The following HOMER2 variants were observed in gnomAD, a reference collection of about 807,000 sequenced individuals.
HOMER2 encodes homer protein homolog 2.
Under a neutral mutation model 47.0 loss-of-function variants are expected in HOMER2, and 27 were observed. The ratio of observed to expected loss-of-function variants is 0.57; its 90% CI spans 0.42 to 0.79. The LOEUF (loss-of-function observed/expected upper bound fraction) is 0.79, where lower values mean the gene tolerates loss of function less well. Ranked by LOEUF, HOMER2 falls within the 30% of genes least tolerant of loss-of-function variation. HOMER2 has a pLI of 0.00. For missense variants in HOMER2, 443 were observed against 435.0 expected, an observed-to-expected ratio of 1.02 and a Z score of -0.16; for synonymous variants, 161 against 163.8, an observed-to-expected ratio of 0.98 and a Z score of 0.13.
In HOMER2 at chr15:82,849,826, TC is replaced by T; in HGVS notation, c.920del (p.Arg307HisfsTer5). On this transcript the variant is annotated frameshift_variant, in exon 9 of 9. Transcript: ENST00000450735. LOFTEE classifies it high-confidence loss of function. ...LKTDIEESKYRQRHLKVELKS... is the reference protein window; with the variant it reads ...LKTDIEESKYXQRHLKVELKS... The stretch of plus-strand genomic sequence containing the variant: ...TCAACTCCACCTTCAGGTGGCGCTG[TC>T]GGTATTTGCTCTCCTCAATGTCTGT... 6.2e-7 allele frequency: 1 copy of T among 1,613,962 alleles called. No homozygotes were observed. Among genetic ancestry groups the T allele is most frequent in the South Asian group, 1.1e-5 (1 of 91,076 alleles).
chr15:82,903,584 A>T (rs149716445), intron 1 of HOMER2, among the ~76,000 whole-genome samples: 2 of 152,028 alleles, frequency 1.3e-5, no homozygotes, highest in African/African-American at 4.8e-5. Flanking sequence ...GCGCCATTGC[A>T]CTCCAGCCTG....
intron 2 of HOMER2, among the ~76,000 whole-genome samples, chr15:82,877,354 G>C (rs189717525): frequency 6.6e-6 from 1 of 152,128 alleles, no homozygotes; most frequent in Non-Finnish European, 1.5e-5. Context: ...ATTTTTAGTA[G>C]AGAAGGGGCT....
intron 3 of HOMER2, among the ~76,000 whole-genome samples, chr15:82,869,776 C>T (rs1465738503): frequency 1.3e-5 from 2 of 152,096 alleles, no homozygotes; most frequent in East Asian, 1.9e-4. Flanking sequence ...ACATCTTGAT[C>T]GCTACATATT....
At chr15:82,950,941 G>A (rs1288193118) in intron 1 of HOMER2, among the ~76,000 whole-genome samples, 3 of 152,272 alleles carry the variant, frequency 2.0e-5, no homozygotes, top group East Asian at 1.9e-4. Context: ...TGTTGGCCAG[G>A]GGGAGGGAGG....
chr15:82,945,141 C>T (rs1439360527), intron 1 of HOMER2, among the ~76,000 whole-genome samples: 1 of 151,080 alleles, frequency 6.6e-6, no homozygotes, highest in Non-Finnish European at 1.5e-5. Flanking sequence ...TAATTGTGAT[C>T]TTGGTCTCCT....
exon 2 of HOMER2, chr15:82,841,761 A>C (rs2151583379): frequency 6.6e-6 from 1 of 152,362 alleles, no homozygotes; most frequent in Non-Finnish European, 1.5e-5. Flanking sequence ...CTAGTTACAA[A>C]ATCAATAACC....
At chr15:82,916,906 A>G (rs986916240) in intron 1 of HOMER2, among the ~76,000 whole-genome samples, 2 of 151,888 alleles carry the variant, frequency 1.3e-5, no homozygotes, top group Non-Finnish European at 2.9e-5. Flanking sequence ...GGTTCAAGTG[A>G]TTATCCTGCC....
chr15:82,916,732 C>T (rs771799261), intron 1 of HOMER2, among the ~76,000 whole-genome samples: 20 of 152,024 alleles, frequency 1.3e-4, no homozygotes, highest in Non-Finnish European at 2.2e-4. Flanking sequence ...GGACTTGGCA[C>T]TAAGAGAGCT....
intron 3 of HOMER2, among the ~76,000 whole-genome samples, chr15:82,865,309 G>A (rs1446071670): frequency 1.1e-4 from 16 of 152,066 alleles, no homozygotes; most frequent in Admixed American, 1.0e-3. Flanking sequence ...TTTCTTTTTG[G>A]GGACCTCTTA....
intron 2 of HOMER2, among the ~76,000 whole-genome samples, chr15:82,892,126 A>G (rs1416221665): frequency 2.0e-5 from 3 of 152,308 alleles, no homozygotes; most frequent in Admixed American, 6.5e-5. Flanking sequence ...AAACCACTTA[A>G]TAAAATTCAA....
chr15:82,849,660 C>T lies in HOMER2; in HGVS notation c.*55G>A, dbSNP rs1359332032. Reference sequence around the variant, plus strand: ...ACACAGAAGAACGTCCTAGAGCTATCTGGTCTCGCACACACGCTTGGGACT... The same window carrying T: ...ACACAGAAGAACGTCCTAGAGCTATTTGGTCTCGCACACACGCTTGGGACT... On this transcript the variant is annotated 3_prime_UTR_variant, in exon 9 of 9. Transcript: ENST00000450735. 4 of 1,495,522 alleles carry T rather than the reference C, an allele frequency of 2.7e-6. No individual in the cohort carries two copies. The South Asian group carries it at 4.8e-5, about 18-fold the overall frequency. The allele number at this position is 1,495,522 out of a possible 1,614,324, so 92.6% of individuals were successfully genotyped here. A position where few individuals can be genotyped will look rare whatever the true frequency, so the allele number is the denominator to read the frequency against.
At chr15:82,898,952 C>T (rs180896587) in intron 1 of HOMER2, among the ~76,000 whole-genome samples, 2 of 152,070 alleles carry the variant, frequency 1.3e-5, no homozygotes, top group African/African-American at 4.8e-5. Context: ...TGTAAGGTAC[C>T]CTAATTAGTT....
intron 2 of HOMER2, among the ~76,000 whole-genome samples, chr15:82,891,601 A>G (rs927091148): frequency 3.3e-5 from 5 of 151,756 alleles, no homozygotes; most frequent in Admixed American, 3.3e-4. Context: ...GGCCCATTCT[A>G]TTGCCCAGCC....
intron 1 of HOMER2, among the ~76,000 whole-genome samples, chr15:82,961,802 G>T (rs115496869): frequency 6.6e-6 from 1 of 152,030 alleles, no homozygotes; most frequent in Non-Finnish European, 1.5e-5. Flanking sequence ...GAGATAGAGT[G>T]GCCCAGCCTG....
intron 3 of HOMER2, among the ~76,000 whole-genome samples, chr15:82,868,558 T>TC (rs1367796168): frequency 8.0e-6 from 1 of 124,864 alleles, no homozygotes; most frequent in African/African-American, 3.0e-5. Context: ...TTTTTTTTTT[T>TC]CCCCTTTTGA....
At chr15:82,862,036 C>A (rs977623637) in intron 4 of HOMER2, among the ~76,000 whole-genome samples, 2 of 151,256 alleles carry the variant, frequency 1.3e-5, no homozygotes, top group African/African-American at 4.9e-5. Flanking sequence ...GAGTCTCTGT[C>A]TTAAAAACAA....
intron 1 of HOMER2, among the ~76,000 whole-genome samples, chr15:82,927,706 C>T (rs756757673): frequency 2.6e-5 from 4 of 152,048 alleles, no homozygotes; most frequent in Non-Finnish European, 4.4e-5. Flanking sequence ...CGCAGTGGCT[C>T]ACGCCTGTAA....
At chr15:82,938,646 T>C (rs2054193055) in intron 1 of HOMER2, among the ~76,000 whole-genome samples, 1 of 152,192 alleles carries the variant, frequency 6.6e-6, no homozygotes, top group Non-Finnish European at 1.5e-5. Context: ...ACTTTCAAGC[T>C]ACCTTCATCA....
At chr15:82,861,365 C>T (rs12591165) in intron 4 of HOMER2, among the ~76,000 whole-genome samples, 1,738 of 152,076 alleles carry the variant, frequency 0.011, 26 homozygotes, top group East Asian at 0.09. Flanking sequence ...AGAATGCTGT[C>T]CAGTCATTAA....
Sources: gnomAD v4.1 joint callset for allele counts (sites outside exome capture counted in the v4.1 genomes callset) on GRCh38, gnomAD v4.1.1 for gene constraint, MANE v1.5 for transcripts, NCBI Gene and HGNC (gene_info 2026-07-23, HGNC 2026-07-21) for gene names.